The following PCNT variants were observed in gnomAD, a reference collection of about 807,000 sequenced individuals.
The protein encoded by PCNT is kendrin.
In PCNT, 319 loss-of-function variants were observed where a neutral mutation model predicts 380.4. That is an observed-to-expected ratio of 0.84 (90% CI 0.77 to 0.92). The LOEUF is 0.92. PCNT is among the 40% of genes least tolerant of loss of function. The pLI, the probability that PCNT is intolerant of heterozygous loss-of-function variation, is 0.00. For synonymous variants in PCNT, 1,845 were observed against 1,735.2 expected (o/e 1.06, Z -1.57); for missense variants, 4,400 against 4,255.3 (o/e 1.03, Z -0.95).
chr21:46,377,813 C>A (rs1267815147), intron 15 of PCNT, among the ~76,000 whole-genome samples: 1 of 152,188 alleles, frequency 6.6e-6, no homozygotes, highest in African/African-American at 2.4e-5. Flanking sequence ...CACCACTGCA[C>A]TCCAGGCTGC....
intron 11 of PCNT, among the ~76,000 whole-genome samples, chr21:46,354,649 A>C (rs1302542265): frequency 6.6e-6 from 1 of 152,148 alleles, no homozygotes; most frequent in Non-Finnish European, 1.5e-5. Context: ...GAGGAGACGC[A>C]GGGGCAGCAC....
chr21:46,402,034 A>G (rs1216453634), intron 26 of PCNT, among the ~76,000 whole-genome samples: 1 of 152,022 alleles, frequency 6.6e-6, no homozygotes, highest in Non-Finnish European at 1.5e-5. Context: ...TGGTATTTTT[A>G]GTAGAGACAG....
At chr21:46,378,067 A>G (rs1008650419) in intron 15 of PCNT, among the ~76,000 whole-genome samples, 6 of 152,034 alleles carry the variant, frequency 3.9e-5, no homozygotes, top group African/African-American at 1.4e-4. Flanking sequence ...TTTTCTGCAT[A>G]TCTTATGCCC....
At chr21:46,382,539 ATAG>A (rs1208856803) in intron 16 of PCNT, among the ~76,000 whole-genome samples, 1 of 121,090 alleles carries the variant, frequency 8.3e-6, no homozygotes, top group African/African-American at 3.1e-5. Flanking sequence ...AGTGTTGTGC[ATAG>A]TTCAGTGGCG....
At position 46,397,417 on chromosome 21, in the gene PCNT, G is replaced by A; in HGVS notation, c.4369G>A (p.Ala1457Thr). ...LSQHRGCAKQ[A>T]EAVTALEQQV... ...TCAGCATCGCGGGTGTGCCAAGCAG[G>A]CGGAGGCCGTCACTGCCCTGGAACA... is the stretch of plus-strand genomic sequence containing the variant. Residue 1457 changes from alanine (A) to threonine (T), a missense_variant, in exon 22 of 47, where the codon GCG becomes ACG. By Grantham distance (58) the Ala-to-Thr change is moderately conservative. Coordinates refer to ENST00000359568, the MANE Select transcript of PCNT (RefSeq NM_006031.6). 1 of 1,614,202 alleles carries A rather than the reference G, an allele frequency of 6.2e-7. No individual in the cohort carries two copies.
Position 46,388,666 on chromosome 21 carries a change from GC to G in PCNT, c.3465-72del. The stretch of plus-strand genomic sequence containing the variant: ...GCCGAGGTGTGCAAACTGGTGGGCG[GC>G]CCCTCAGCAGCATCCAGGGTGGGGG... On this transcript the variant is annotated intron_variant, in intron 17 of 46. Coordinates refer to ENST00000359568, the MANE Select transcript of PCNT (RefSeq NM_006031.6). The surrounding 1 kb of genome is among the most constrained non-coding windows in gnomAD (Gnocchi z 4.2). 4.4e-6 allele frequency: 7 copies of G among 1,579,720 alleles called. No individual in the cohort carries two copies.
chr21:46,411,852 G>A lies in PCNT; in HGVS notation c.5779G>A (p.Ala1927Thr), dbSNP rs1243084181. 6.4e-7 allele frequency: 1 copy of A among 1,555,558 alleles called. No individual in the cohort carries two copies. The highest frequency in any genetic ancestry group is 2.4e-5 in the East Asian group (1 of 42,116). ...GCTGCAGTGGCTCCGAGCGCAGTGT[G>A]CCCGCCTCAGCCGCCAGCTGCAGGT... ...PELQWLRAQC[A>T]RLSRQLQVLH... Residue 1927 changes from alanine to threonine, a missense_variant, in exon 28 of 47, where the codon GCC becomes ACC. By Grantham distance (58) the Ala-to-Thr change is moderately conservative. Transcript: ENST00000359568.
At chr21:46,353,026 A>G in intron 9 of PCNT, 78 bp from the exon 10 acceptor site, 1 of 1,189,292 alleles carries the variant, frequency 8.4e-7, no homozygotes, top group Non-Finnish European at 1.2e-6. Flanking sequence ...CACCACAGGT[A>G]ACCAGGCTCT....
intron 16 of PCNT, among the ~76,000 whole-genome samples, chr21:46,384,007 C>A (rs1262049073): frequency 6.9e-6 from 1 of 144,462 alleles, no homozygotes; most frequent in Non-Finnish European, 1.5e-5. Context: ...GTGGCGGAAG[C>A]GCATTCACAG....
chr21:46,428,681 G>C, intron 35 of PCNT, 91 bp downstream of exon 35: 1 of 1,152,222 alleles, frequency 8.7e-7, no homozygotes, highest in Non-Finnish European at 1.3e-6. Context: ...AGAGGGTGGT[G>C]ACAGGGCATC....
Position 46,336,363 on chromosome 21 carries a change from A to T in PCNT, c.639+1595A>T, listed in dbSNP as rs544890831. ...CACAGTCTCTGGTGGGTTCTATAAAACCCACTCTTCATTTATTTATTGACT... is the reference window on the plus strand; with the variant it reads ...CACAGTCTCTGGTGGGTTCTATAAATCCCACTCTTCATTTATTTATTGACT... On this transcript the variant is annotated intron_variant, in intron 3 of 46. Transcript: ENST00000359568. 8.6e-5 allele frequency among the ~76,000 whole-genome samples: 13 copies of T among 152,038 alleles called. No homozygotes were observed. In the South Asian group the frequency reaches 2.5e-3, roughly 29 times the overall value.
In PCNT at chr21:46,391,326, T is replaced by C. The variant is rs1342833307; in HGVS notation, c.4166T>C (p.Leu1389Pro). Residue 1389 changes from leucine (L) to proline (P), a missense_variant, in exon 21 of 47, where the codon CTG (leucine) becomes CCG (proline). Leu to Pro is a moderately conservative substitution (Grantham distance 98). Transcript: ENST00000359568. ...GCGCTGAGGGAGGAGTGCACCCGTCTGTGGAGTCGGGGGGAGGCCACAGCC... is the reference window on the plus strand; with the variant it reads ...GCGCTGAGGGAGGAGTGCACCCGTCCGTGGAGTCGGGGGGAGGCCACAGCC... ...QAALREECTRLWSRGEATATD... is the reference protein window; with the variant it reads ...QAALREECTRPWSRGEATATD... 1 of 1,560,072 alleles carries C rather than the reference T, an allele frequency of 6.4e-7. No individual in the cohort carries two copies.
chr21:46,389,448 C>T lies in PCNT; in HGVS notation c.3840+17C>T, dbSNP rs757422832. 1.1e-5 allele frequency: 17 copies of T among 1,601,412 alleles called. No homozygotes were observed. Among genetic ancestry groups the T allele is most frequent in the East Asian group, 6.7e-5 (3 of 44,784 alleles). On this transcript the variant is annotated intron_variant, in intron 19 of 46. Transcript: ENST00000359568. ...AGCAGGCAGGTGAGGCCCAGGCTCC[C>T]GGGGTCCTGTGGAGATGTGAACAAC...
chr21:46,370,229 G>GC (rs2085070804), intron 15 of PCNT, among the ~76,000 whole-genome samples: 1 of 152,044 alleles, frequency 6.6e-6, no homozygotes, highest in African/African-American at 2.4e-5. Context: ...GCATCCGGGG[G>GC]GGGGTGTCTT....
Position 46,401,432 on chromosome 21 carries a change from G to T in PCNT, c.4792-119G>T, listed in dbSNP as rs575730112. The T allele has an allele frequency of 4.0e-4, 335 of 831,306 alleles. 3 individuals are homozygous for T. In the South Asian group the frequency reaches 4.5e-3, roughly 11 times the overall value. 51.5% of individuals were successfully genotyped at this position (831,306 alleles called of 1,614,324 possible). On this transcript the variant is annotated intron_variant, in intron 25 of 46. Transcript: ENST00000359568. Reference sequence around the variant, plus strand: ...GGTGTGTCACTGAGTGCAGGGGCGTGCAGGTCCACCTGCTCTGCTTCAGGT... The same window carrying T: ...GGTGTGTCACTGAGTGCAGGGGCGTTCAGGTCCACCTGCTCTGCTTCAGGT...
intron 15 of PCNT, among the ~76,000 whole-genome samples, chr21:46,371,222 T>C (rs990364087): frequency 5.3e-5 from 8 of 150,402 alleles, no homozygotes; most frequent in Non-Finnish European, 1.2e-4. Context: ...TTCTTTTTTT[T>C]TTTTTTTTTT....
chr21:46,381,981 G>C, intron 16 of PCNT, 141 bp downstream of exon 16: 1 of 848,898 alleles, frequency 1.2e-6, no homozygotes. Context: ...AGTGGCGGAA[G>C]CGCATTCACA....
Position 46,346,109 on chromosome 21 carries a change from C to T in PCNT, c.640-19C>T, listed in dbSNP as rs746629678. ...CTCATGTGAATTCTGGACCTACATTCTTTGCCTTTTTTCCCCAGGAGTGTG... is the reference window on the plus strand; with the variant it reads ...CTCATGTGAATTCTGGACCTACATTTTTTGCCTTTTTTCCCCAGGAGTGTG... On this transcript the variant is annotated intron_variant, in intron 3 of 46. Coordinates refer to ENST00000359568, the MANE Select transcript of PCNT (RefSeq NM_006031.6). 6.2e-7 allele frequency: 1 copy of T among 1,612,332 alleles called. No homozygotes were observed. Among genetic ancestry groups the T allele is most frequent in the South Asian group, 1.1e-5 (1 of 91,022 alleles).
At chr21:46,399,256 G>T (rs1044746874) in intron 24 of PCNT, among the ~76,000 whole-genome samples, 1 of 131,832 alleles carries the variant, frequency 7.6e-6, no homozygotes, top group Non-Finnish European at 1.6e-5. Flanking sequence ...AGGTCTCCCT[G>T]TGCAGCCTGT....
Sources: allele counts gnomAD v4.1 joint callset (sites outside exome capture counted in the v4.1 genomes callset), GRCh38; gene constraint gnomAD v4.1.1; non-coding constraint Gnocchi (gnomAD v3.1); transcripts MANE v1.5; gene names NCBI Gene and HGNC (gene_info 2026-07-23, HGNC 2026-07-21).